DYNC1LI2: variants seen among roughly 807,000 people sequenced by gnomAD.
DYNC1LI2 encodes cytoplasmic dynein 1 light intermediate chain 2.
In DYNC1LI2, 19 loss-of-function variants were observed where a neutral mutation model predicts 57.8. The ratio of observed to expected loss-of-function variants is 0.33; its 90% CI spans 0.23 to 0.48. The LOEUF is 0.48. Among genes scored for constraint, DYNC1LI2 ranks in the 20% least tolerant of loss-of-function variants. The pLI, the probability that DYNC1LI2 is intolerant of heterozygous loss-of-function variation, is 0.99. For missense variants in DYNC1LI2, 470 were observed against 604.2 expected (o/e 0.78, Z 2.33); for synonymous variants, 256 against 233.4 (o/e 1.10, Z -0.88).
Position 66,737,512 on chromosome 16 carries a change from G to GAAAAA in DYNC1LI2, c.530-1269_530-1268insTTTTT. Among the ~76,000 whole-genome samples, 5 of 60,068 alleles carry GAAAAA rather than the reference G, an allele frequency of 8.3e-5. 2 individuals carry two copies. Among genetic ancestry groups the GAAAAA allele is most frequent in the African/African-American group, 2.3e-4 (4 of 17,534 alleles). 39.4% of individuals were successfully genotyped at this position (60,068 alleles called of 152,430 possible). A position where few individuals can be genotyped will look rare whatever the true frequency, so the allele number is the denominator to read the frequency against. ...TCTCAAAAAAAAAAAAAAAAAAAAT[G>GAAAAA]CTTAATGAAACAATTGAATTTTATA... On this transcript the variant is annotated intron_variant, in intron 4 of 12. Transcript: ENST00000258198.
At chr16:66,732,118 G>A (rs1326726773) in intron 7 of DYNC1LI2, 1 of 510,688 alleles carries the variant, frequency 2.0e-6, no homozygotes, top group Non-Finnish European at 3.3e-6. Context: ...CTTAGGTTTT[G>A]GCAACTTGCT....
rs752616575 is a variant in DYNC1LI2, at chr16:66,722,532, T to C, written c.*1190A>G. 1.3e-5 allele frequency: 2 copies of C among 152,538 alleles called. No individual in the cohort carries two copies. The highest frequency in any genetic ancestry group is 4.8e-5 in the African/African-American group (2 of 41,416). The allele number at this position is 152,538 out of a possible 1,614,324, so 9.4% of individuals were successfully genotyped here. ...ACTCTTATTTCCATAAGAAAAAAAA[T>C]GCTACATTTTATGAAAACACCTAAC... On this transcript the variant is annotated 3_prime_UTR_variant, in exon 13 of 13. Transcript: ENST00000258198.
chr16:66,749,842 ATAAT>A (rs1297173627), intron 2 of DYNC1LI2, among the ~76,000 whole-genome samples: 4 of 152,350 alleles, frequency 2.6e-5, no homozygotes, highest in Non-Finnish European at 4.4e-5. Context: ...ACTGACGAAA[ATAAT>A]TATAGACCTA....
At chr16:66,724,096 C>A (rs2017496633) in intron 12 of DYNC1LI2, among the ~76,000 whole-genome samples, 1 of 152,102 alleles carries the variant, frequency 6.6e-6, no homozygotes, top group African/African-American at 2.4e-5. Context: ...AATACAAGAA[C>A]CTTTCTGAAA....
chr16:66,735,644 CT>C (rs1204875506), intron 5 of DYNC1LI2, among the ~76,000 whole-genome samples: 1 of 151,964 alleles, frequency 6.6e-6, no homozygotes, highest in Non-Finnish European at 1.5e-5. Context: ...GTAGCTGGGA[CT>C]ACAGGTGCCC....
chr16:66,750,677 G>A (rs896598285), intron 2 of DYNC1LI2, among the ~76,000 whole-genome samples: 6 of 152,128 alleles, frequency 3.9e-5, no homozygotes, highest in Non-Finnish European at 8.8e-5. Flanking sequence ...CCTGTGCCCA[G>A]CCCACAGGTC....
chr16:66,733,090 AAAACAT>A (rs1301624180), intron 6 of DYNC1LI2: 1 of 152,228 alleles, frequency 6.6e-6, no homozygotes, highest in Non-Finnish European at 1.5e-5. Context: ...TGGACAGCAC[AAAACAT>A]AAACATATGG....
intron 12 of DYNC1LI2, chr16:66,724,652 C>T (rs374675792): frequency 6.6e-6 from 1 of 152,116 alleles, no homozygotes; most frequent in East Asian, 1.9e-4. Flanking sequence ...AAGACATAGA[C>T]CCGCCCTACC....
chr16:66,728,624 C>G (rs1182277260), intron 9 of DYNC1LI2, among the ~76,000 whole-genome samples: 1 of 152,200 alleles, frequency 6.6e-6, no homozygotes, highest in East Asian at 1.9e-4. Flanking sequence ...GCATTCTAAA[C>G]TGTCAGCTTG....
chr16:66,741,426 C>T (rs866856640), intron 4 of DYNC1LI2, among the ~76,000 whole-genome samples: 1 of 152,200 alleles, frequency 6.6e-6, no homozygotes. Flanking sequence ...ACATGCACAA[C>T]AAACCGAAGA....
At chr16:66,747,031 C>T (rs867717120) in intron 3 of DYNC1LI2, among the ~76,000 whole-genome samples, 2 of 152,010 alleles carry the variant, frequency 1.3e-5, no homozygotes, top group Non-Finnish European at 2.9e-5. Flanking sequence ...AGATGAGTAC[C>T]CAAATGCCTC....
At chr16:66,730,329 G>A in intron 7 of DYNC1LI2, 106 bp from the exon 8 acceptor site, 1 of 915,924 alleles carries the variant, frequency 1.1e-6, no homozygotes, top group South Asian at 1.7e-5. Flanking sequence ...ACAAGATATA[G>A]TGTGTAGTTG....
chr16:66,740,663 T>G (rs1413512903), intron 4 of DYNC1LI2, among the ~76,000 whole-genome samples: 1 of 152,168 alleles, frequency 6.6e-6, no homozygotes, highest in Non-Finnish European at 1.5e-5. Context: ...CCAGCCTCCT[T>G]AAGAGACAGC....
At chr16:66,749,469 AG>A (rs768606836) in intron 2 of DYNC1LI2, among the ~76,000 whole-genome samples, 156 bp from the exon 3 acceptor site, 6 of 151,980 alleles carry the variant, frequency 3.9e-5, no homozygotes, top group Non-Finnish European at 7.4e-5. Flanking sequence ...TTGCTGGAAG[AG>A]TGGTTGGGAG....
intron 12 of DYNC1LI2, among the ~76,000 whole-genome samples, chr16:66,725,100 G>C (rs1291171547): frequency 2.0e-5 from 3 of 151,670 alleles, no homozygotes; most frequent in Non-Finnish European, 4.4e-5. Flanking sequence ...CTTGAACCCG[G>C]GTGGTGGAGG....
Position 66,751,298 on chromosome 16 carries a change from C to T in DYNC1LI2, c.156G>A (p.Pro52=). The change falls in exon 2 of 13, where the codon CCG becomes CCA. Residue 52 remains proline (P), a synonymous_variant. Coordinates refer to ENST00000258198, the MANE Select transcript of DYNC1LI2 (RefSeq NM_006141.3). The surrounding 1 kb of genome is among the most constrained non-coding windows in gnomAD (Gnocchi z 5.2). ...CGAAGACCAGGATGTTCTTGCCGGA[C>T]GGCAGCTTGGACCTGGCGCGGGTGG... ...EVSTRARSKL[P]SGKNILVFGE... is the part of the protein sequence containing the mutation. The T allele has an allele frequency of 6.2e-7, 1 of 1,612,198 alleles. No individual in the cohort carries two copies. Among genetic ancestry groups the T allele is most frequent in the Admixed American group, 1.7e-5 (1 of 59,968 alleles).
chr16:66,726,879 C>T (rs778352406), intron 11 of DYNC1LI2, among the ~76,000 whole-genome samples: 6 of 151,848 alleles, frequency 4.0e-5, no homozygotes, highest in Non-Finnish European at 7.4e-5. Context: ...GTGATCTGCC[C>T]GCCTCAGCCT....
At position 66,751,171 on chromosome 16, in the gene DYNC1LI2, T is replaced by C; in HGVS notation, c.181+102A>G. On this transcript the variant is annotated intron_variant, in intron 2 of 12. Transcript: ENST00000258198. The surrounding 1 kb of genome is among the most constrained non-coding windows in gnomAD (Gnocchi z 5.2). ...GCCGACGGTCCCTTTCCCGCCAGGC[T>C]GCGGGCAGGCGGCTGGAACGGGGAA... 1 of 1,343,636 alleles carries C rather than the reference T, an allele frequency of 7.4e-7. No homozygotes were observed. Among genetic ancestry groups the C allele is most frequent in the South Asian group, 1.4e-5 (1 of 71,776 alleles). The allele number at this position is 1,343,636 out of a possible 1,614,324, so 83.2% of individuals were successfully genotyped here.
At chr16:66,727,856 A>G in intron 10 of DYNC1LI2, 51 bp from the exon 11 acceptor site, 1 of 1,470,600 alleles carries the variant, frequency 6.8e-7, no homozygotes, top group South Asian at 1.2e-5. Flanking sequence ...ATAACAAAAA[A>G]TACATATGCC....
Sources: gnomAD v4.1 joint callset for allele counts (sites outside exome capture counted in the v4.1 genomes callset) on GRCh38, gnomAD v4.1.1 for gene constraint, Gnocchi (gnomAD v3.1) non-coding constraint, MANE v1.5 for transcripts, NCBI Gene and HGNC (gene_info 2026-07-23, HGNC 2026-07-21) for gene names.